The following DLG5 variants were observed in gnomAD, a reference collection of about 807,000 sequenced individuals.
DLG5 encodes disks large homolog 5.
In DLG5, 48 loss-of-function variants were observed where a neutral mutation model predicts 189.8. The observed-to-expected ratio is 0.25, with a 90% CI of 0.20 to 0.32. The LOEUF is 0.32. Among genes scored for constraint, DLG5 ranks in the 10% least tolerant of loss-of-function variants. DLG5 has a pLI of 1.00. For synonymous variants in DLG5, 1,016 were observed against 1,054.1 expected (o/e 0.96, Z 0.70); for missense variants, 2,160 against 2,544.7 (o/e 0.85, Z 3.25).
At chr10:77,819,287 G>A (rs757264436) in intron 17 of DLG5, 34 bp downstream of exon 17, 1 of 1,613,218 alleles carries the variant, frequency 6.2e-7, no homozygotes, top group Non-Finnish European at 8.5e-7. Context: ...TTGGGCAGCT[G>A]GAGTACAGAG....
At chr10:77,795,943 C>T (rs1840896056) in intron 29 of DLG5, 118 bp downstream of exon 29, 4 of 1,454,652 alleles carry the variant, frequency 2.7e-6, no homozygotes, top group Non-Finnish European at 2.9e-6. Flanking sequence ...TAACACAACA[C>T]GGTGGGCTCA....
intron 5 of DLG5, among the ~76,000 whole-genome samples, chr10:77,850,205 A>T (rs1398472349): frequency 6.6e-6 from 1 of 152,176 alleles, no homozygotes; most frequent in African/African-American, 2.4e-5. Flanking sequence ...ATCAGCAGTC[A>T]CTTCCCAAAC....
intron 1 of DLG5, among the ~76,000 whole-genome samples, chr10:77,910,729 T>TG (rs1846193522): frequency 1.3e-5 from 2 of 152,198 alleles, no homozygotes; most frequent in Admixed American, 1.3e-4. Context: ...CCCAGCACTT[T>TG]GGGGGGCCAA....
intron 1 of DLG5, among the ~76,000 whole-genome samples, chr10:77,888,370 T>G (rs566756197): frequency 2.0e-5 from 3 of 152,308 alleles, no homozygotes; most frequent in African/African-American, 7.2e-5. Context: ...GCCCAGTCTG[T>G]GTCAGCACCT....
chr10:77,866,026 G>T (rs568194456), intron 2 of DLG5, among the ~76,000 whole-genome samples: 1 of 152,340 alleles, frequency 6.6e-6, no homozygotes, highest in South Asian at 2.1e-4. Flanking sequence ...TTTATTATAA[G>T]GATCTTGCTC....
chr10:77,872,801 C>A (rs973423367), intron 1 of DLG5, among the ~76,000 whole-genome samples: 11 of 151,992 alleles, frequency 7.2e-5, no homozygotes, highest in Admixed American at 2.0e-4. Context: ...GGGGTTTCGC[C>A]ATCAAATTTG....
chr10:77,805,577 CTT>C, intron 27 of DLG5, 86 bp downstream of exon 27: 1 of 1,435,296 alleles, frequency 7.0e-7, no homozygotes, highest in Admixed American at 2.2e-5. Context: ...GTAAGACTCT[CTT>C]TTGTTTAAGT....
At chr10:77,797,693 C>T (rs145363725) in intron 27 of DLG5, among the ~76,000 whole-genome samples, 1 of 152,274 alleles carries the variant, frequency 6.6e-6, no homozygotes, top group Non-Finnish European at 1.5e-5. Flanking sequence ...GAGGCTTGGC[C>T]TGGAGGGATC....
chr10:77,819,224 C>A, intron 17 of DLG5, 97 bp downstream of exon 17: 1 of 1,576,120 alleles, frequency 6.3e-7, no homozygotes, highest in Non-Finnish European at 8.7e-7. Context: ...GGCAAGGAAG[C>A]TTCTCCACCA....
chr10:77,796,313 C>A lies in DLG5; in HGVS notation c.5309-125G>T. 1 of 1,585,150 alleles carries A rather than the reference C, an allele frequency of 6.3e-7. No homozygotes were observed. Among genetic ancestry groups the A allele is most frequent in the Non-Finnish European group, 8.6e-7 (1 of 1,161,352 alleles). On this transcript the variant is annotated intron_variant, in intron 28 of 31. Transcript: ENST00000372391. This position sits in a 1 kb window ranked among gnomAD's most constrained non-coding sequence, Gnocchi z 5.2. The stretch of plus-strand genomic sequence containing the variant: ...AGTCCTGCCATGCATGAATCTGACC[C>A]ATGTCAGCAGGCTTCTGGAACACTG...
At chr10:77,897,695 G>A (rs1047169365) in intron 1 of DLG5, among the ~76,000 whole-genome samples, 20 of 150,502 alleles carry the variant, frequency 1.3e-4, no homozygotes, top group African/African-American at 4.9e-4. Context: ...AGAGGGGGAG[G>A]GGGGAAAGGG....
intron 1 of DLG5, among the ~76,000 whole-genome samples, chr10:77,895,815 G>C (rs1264785006): frequency 6.6e-6 from 1 of 152,116 alleles, no homozygotes; most frequent in Non-Finnish European, 1.5e-5. Context: ...TTCAAGACCA[G>C]CCTGGCCAAC....
chr10:77,871,503 A>G (rs999566149), intron 1 of DLG5, among the ~76,000 whole-genome samples: 5 of 128,450 alleles, frequency 3.9e-5, no homozygotes, highest in African/African-American at 1.5e-4. Flanking sequence ...ATATCTCTGC[A>G]TTTTTGTCTC....
the DLG5 span, among the ~76,000 whole-genome samples, chr10:77,937,642 C>A: frequency 6.6e-6 from 1 of 152,018 alleles, no homozygotes; most frequent in African/African-American, 2.4e-5. Flanking sequence ...CTTGTTCCCA[C>A]CTACCCCACA....
Position 77,792,098 on chromosome 10 carries a change from C to A in DLG5, c.*342G>T. 3.4e-6 allele frequency: 1 copy of A among 292,484 alleles called. No individual in the cohort carries two copies. Among genetic ancestry groups the A allele is most frequent in the Non-Finnish European group, 6.4e-6 (1 of 156,306 alleles). The allele number at this position is 292,484 out of a possible 1,614,324, so 18.1% of individuals were successfully genotyped here. Reference sequence around the variant, plus strand: ...GAGCCGTTCAAGTAAACATAAACCACCAAATACTTAGAAAAGGCTTGTAAA... The same window carrying A: ...GAGCCGTTCAAGTAAACATAAACCAACAAATACTTAGAAAAGGCTTGTAAA... On this transcript the variant is annotated 3_prime_UTR_variant, in exon 32 of 32. Transcript: ENST00000372391.
chr10:77,873,212 G>A (rs1239298994), intron 1 of DLG5, among the ~76,000 whole-genome samples: 1 of 152,148 alleles, frequency 6.6e-6, no homozygotes, highest in African/African-American at 2.4e-5. Flanking sequence ...CGTGATATAA[G>A]GAGATTCTTT....
At chr10:77,813,571 C>A (rs142592761) in intron 20 of DLG5, among the ~76,000 whole-genome samples, 1 of 152,190 alleles carries the variant, frequency 6.6e-6, no homozygotes, top group African/African-American at 2.4e-5. Context: ...CAATTCAACA[C>A]GGATTACAGC....
intron 30 of DLG5, among the ~76,000 whole-genome samples, chr10:77,794,636 C>T (rs572964521): frequency 9.8e-5 from 15 of 152,300 alleles, no homozygotes; most frequent in South Asian, 6.2e-4. Context: ...CGGAGGGGCG[C>T]GAGGAAGGGG....
chr10:77,862,017 G>A (rs949739790), intron 2 of DLG5, among the ~76,000 whole-genome samples: 12 of 152,224 alleles, frequency 7.9e-5, no homozygotes, highest in African/African-American at 2.9e-4. Flanking sequence ...CCAATCTCAA[G>A]ATGTGCTACG....
Sources: allele counts gnomAD v4.1 joint callset (sites outside exome capture counted in the v4.1 genomes callset), GRCh38; gene constraint gnomAD v4.1.1; non-coding constraint Gnocchi (gnomAD v3.1); transcripts MANE v1.5; gene names NCBI Gene and HGNC (gene_info 2026-07-23, HGNC 2026-07-21).